The following LLGL2 variants were observed in gnomAD, a reference collection of about 807,000 sequenced individuals.
LLGL2 encodes LLGL scribble cell polarity complex component 2.
In LLGL2, 81 loss-of-function variants were observed where a neutral mutation model predicts 123.2. The ratio of observed to expected loss-of-function variants is 0.66; its 90% CI spans 0.55 to 0.79. LLGL2 has a LOEUF of 0.79. Ranked by LOEUF, LLGL2 falls within the 30% of genes least tolerant of loss-of-function variation. LLGL2 has a pLI of 0.00. For missense variants in LLGL2, 1,273 were observed against 1,414.6 expected (o/e 0.90, Z 1.61); for synonymous variants, 577 against 594.1 (o/e 0.97, Z 0.42).
chr17:75,574,444 G>C lies in LLGL2; in HGVS notation c.2954-9G>C. 4 of 1,549,400 alleles carry C rather than the reference G, an allele frequency of 2.6e-6. No individual in the cohort carries two copies. The highest frequency in any genetic ancestry group is 3.5e-6 in the Non-Finnish European group (4 of 1,147,620). On this transcript the variant is annotated splice_polypyrimidine_tract_variant and intron_variant, in intron 23 of 25. Transcript: ENST00000392550. ...CCTCAGTGGGCCTCTGTTCCCACCC[G>C]GCCTGCAGGAGTCCTGAAGGAAATC...
At chr17:75,530,930 T>C (rs2053763763) in intron 1 of LLGL2, among the ~76,000 whole-genome samples, 1 of 152,170 alleles carries the variant, frequency 6.6e-6, no homozygotes, top group Non-Finnish European at 1.5e-5. Flanking sequence ...CCAGTGGCCC[T>C]TGATGCTTCC....
intron 6 of LLGL2, among the ~76,000 whole-genome samples, chr17:75,560,823 AAAAAAAAAACAAAG>A (rs1487193765): frequency 9.2e-6 from 1 of 108,446 alleles, no homozygotes; most frequent in African/African-American, 5.9e-5. Context: ...AAAAAAAAAA[AAAAAAAAAACAAAG>A]AAAAAACATT....
chr17:75,539,596 A>AT (rs2054133009), intron 1 of LLGL2, among the ~76,000 whole-genome samples: 1 of 128,186 alleles, frequency 7.8e-6, no homozygotes, highest in Non-Finnish European at 1.7e-5. Context: ...AAATCATCCC[A>AT]TTTTCTGGTT....
chr17:75,573,127 C>A lies in LLGL2; in HGVS notation c.2574C>A (p.Asp858Glu). Residue 858 changes from aspartate (D) to glutamate (E), a missense_variant, in exon 20 of 26, where the codon GAC becomes GAA. Transcript: ENST00000392550. ...VAHFGSRRAE[D>E]YGEHHLAVLT... ...ACTTCGGCAGTCGTCGAGCCGAGGA[C>A]TACGGGGAGCACCACCTGGCAGTCC... 3 of 1,613,064 alleles carry A rather than the reference C, an allele frequency of 1.9e-6. No individual in the cohort carries two copies. The highest frequency in any genetic ancestry group is 2.5e-6 in the Non-Finnish European group (3 of 1,179,974).
chr17:75,534,997 A>T (rs897252299), intron 1 of LLGL2, among the ~76,000 whole-genome samples: 4 of 151,968 alleles, frequency 2.6e-5, no homozygotes, highest in African/African-American at 9.7e-5. Flanking sequence ...CCTAGATCCC[A>T]CTCCATGGAA....
At chr17:75,539,679 C>G (rs2147165479) in intron 1 of LLGL2, among the ~76,000 whole-genome samples, 1 of 151,124 alleles carries the variant, frequency 6.6e-6, no homozygotes, top group Non-Finnish European at 1.5e-5. Flanking sequence ...GCGATCTCAG[C>G]TCACTGTAAC....
intron 1 of LLGL2, among the ~76,000 whole-genome samples, chr17:75,526,056 C>G (rs902151196): frequency 1.3e-5 from 2 of 152,194 alleles, no homozygotes; most frequent in African/African-American, 4.8e-5. Context: ...ATGACTGAAA[C>G]TTGGGCTTGG....
intron 2 of LLGL2, 91 bp from the exon 3 acceptor site, chr17:75,555,945 GCCCTGCTTCC>G (rs1404086122): frequency 1.1e-6 from 1 of 872,232 alleles, no homozygotes. Context: ...AGGTACCGAA[GCCCTGCTTCC>G]TGCTGGGTCG....
In LLGL2 at chr17:75,559,337, G is replaced by T; in HGVS notation, c.457G>T (p.Val153Leu). ...CTACCTGGGCACCGAGAGTGGCAACGTGTTTGTGGTGCAGCTGCCAGCTTT... is the reference window on the plus strand; with the variant it reads ...CTACCTGGGCACCGAGAGTGGCAACTTGTTTGTGGTGCAGCTGCCAGCTTT... ...LLYLGTESGN[V>L]FVVQLPAFRA... Residue 153 changes from valine to leucine, a missense_variant, in exon 6 of 26, where the codon GTG (valine) becomes TTG (leucine). Physicochemically the swap from Val to Leu is conservative, Grantham distance 32. Transcript: ENST00000392550. The surrounding 1 kb of genome is among the most constrained non-coding windows in gnomAD (Gnocchi z 4.6). The T allele has an allele frequency of 3.1e-6, 5 of 1,613,612 alleles. No individual in the cohort carries two copies. The highest frequency in any genetic ancestry group is 3.4e-6 in the Non-Finnish European group (4 of 1,179,986).
At chr17:75,543,971 C>A (rs1205635897) in intron 2 of LLGL2, among the ~76,000 whole-genome samples, 2 of 152,156 alleles carry the variant, frequency 1.3e-5, no homozygotes, top group African/African-American at 4.8e-5. Flanking sequence ...AATGCAGCTC[C>A]CCTGCAGGCT....
rs2053541204 is a variant in LLGL2, at chr17:75,525,795, G to GGA, written c.-61_-60insGA. On this transcript the variant is annotated 5_prime_UTR_variant, in exon 1 of 26. Transcript: ENST00000392550. The surrounding 1 kb of genome is among the most constrained non-coding windows in gnomAD (Gnocchi z 4.8). ...GCGGCGGGCGCCGAGGGACGCCGAG[G>GGA]CCTCGGGCGGGGGCTGGCCCGGGGT... The GGA allele has an allele frequency of 1.3e-5, 2 of 151,348 alleles. No individual in the cohort carries two copies. The highest frequency in any genetic ancestry group is 1.3e-4 in the Admixed American group (2 of 15,200). The allele number at this position is 151,348 out of a possible 1,614,324, so 9.4% of individuals were successfully genotyped here.
intron 9 of LLGL2, 140 bp downstream of exon 9, chr17:75,563,946 A>G (rs1342818105): frequency 2.4e-6 from 2 of 817,898 alleles, no homozygotes; most frequent in Non-Finnish European, 4.1e-6. Flanking sequence ...CAGGGAGGGG[A>G]GACAGGGTAG....
Position 75,573,527 on chromosome 17 carries a change from C to T in LLGL2, c.2772C>T (p.Ser924=). The change falls in exon 21 of 26, where the codon TCC becomes TCT. Residue 924 remains serine, a synonymous_variant. Transcript: ENST00000392550. ...CGGAGTTTGAGCGCTTCTCTCTCTC[C>T]ACCAAGTGGCTGGTGGAGCCCCGGT... ...SPSEFERFSL[S]TKWLVEPRCL... 6.2e-7 allele frequency: 1 copy of T among 1,612,938 alleles called. No homozygotes were observed. The highest frequency in any genetic ancestry group is 8.5e-7 in the Non-Finnish European group (1 of 1,179,886).
At chr17:75,530,100 G>A (rs1056072942) in intron 1 of LLGL2, among the ~76,000 whole-genome samples, 3 of 152,196 alleles carry the variant, frequency 2.0e-5, no homozygotes, top group South Asian at 2.1e-4. Context: ...AGAGGCATCC[G>A]TCTGTCCCAG....
In LLGL2 at chr17:75,569,204, C is replaced by T. The variant is rs377333287; in HGVS notation, c.1477-17C>T. 2.5e-6 allele frequency: 4 copies of T among 1,612,144 alleles called. No homozygotes were observed. The highest frequency in any genetic ancestry group is 2.7e-5 in the African/African-American group (2 of 74,912). On this transcript the variant is annotated splice_polypyrimidine_tract_variant and intron_variant, in intron 13 of 25. Coordinates refer to ENST00000392550, the MANE Select transcript of LLGL2 (RefSeq NM_001031803.2). ...CCTGTCCCCGTGGCTGCTCACAGGG[C>T]CCCTCCCCTTCTCCAGGTGGGCTCC...
chr17:75,544,823 C>T lies in LLGL2; in HGVS notation c.75+1322C>T, dbSNP rs1036524108. The stretch of plus-strand genomic sequence containing the variant: ...TGGTGTCCCTGATGGAGCTTTGCCA[C>T]GAGGACATTTGCCTCTGGAATTAGG... On this transcript the variant is annotated intron_variant, in intron 2 of 25. Coordinates refer to ENST00000392550, the MANE Select transcript of LLGL2 (RefSeq NM_001031803.2). This position sits in a 1 kb window ranked among gnomAD's most constrained non-coding sequence, Gnocchi z 4.2. Among the ~76,000 whole-genome samples the T allele has an allele frequency of 6.6e-6, 1 of 152,128 alleles. No homozygotes were observed. Among genetic ancestry groups the T allele is most frequent in the East Asian group, 1.9e-4 (1 of 5,190 alleles).
In LLGL2 at chr17:75,570,088, G is replaced by A. The variant is rs1244921819; in HGVS notation, c.1707G>A (p.Gly569=). 3.1e-6 allele frequency: 5 copies of A among 1,610,964 alleles called. No homozygotes were observed. The highest frequency in any genetic ancestry group is 1.3e-5 in the African/African-American group (1 of 75,026). The part of the protein sequence containing the change: ...KGHERLAARS[G]PVRFEPGFQP... Reference sequence around the variant, plus strand: ...ACGAGCGCCTGGCAGCCCGCTCAGGGCCCGTGCGCTTTGAGCCTGGCTTTC... The same window carrying A: ...ACGAGCGCCTGGCAGCCCGCTCAGGACCCGTGCGCTTTGAGCCTGGCTTTC... The change falls in exon 15 of 26, where the codon GGG becomes GGA. Residue 569 remains glycine (G), a synonymous_variant. Transcript: ENST00000392550.
intron 1 of LLGL2, among the ~76,000 whole-genome samples, chr17:75,527,262 A>G (rs572912105): frequency 6.6e-6 from 1 of 151,448 alleles, no homozygotes; most frequent in African/African-American, 2.4e-5. Flanking sequence ...TCTCAGCTTT[A>G]TTTTATGAAC....
intron 1 of LLGL2, among the ~76,000 whole-genome samples, chr17:75,526,977 G>A (rs959689605): frequency 6.6e-6 from 1 of 152,010 alleles, no homozygotes; most frequent in Non-Finnish European, 1.5e-5. Context: ...AGACCAGCCT[G>A]GGCAACATAG....
Sources: allele counts gnomAD v4.1 joint callset (sites outside exome capture counted in the v4.1 genomes callset), GRCh38; gene constraint gnomAD v4.1.1; non-coding constraint Gnocchi (gnomAD v3.1); transcripts MANE v1.5; gene names NCBI Gene and HGNC (gene_info 2026-07-23, HGNC 2026-07-21).